Variants in MYPN observed in about 807,000 individuals in gnomAD.
MYPN encodes the protein myopalladin.
MYPN carries 63 observed loss-of-function variants against 129.4 expected under a neutral mutation model. The observed-to-expected ratio is 0.49, with a 90% CI of 0.40 to 0.60. The LOEUF (loss-of-function observed/expected upper bound fraction) is 0.60. Ranked by LOEUF, MYPN falls within the 20% of genes least tolerant of loss-of-function variation. MYPN has a pLI of 0.00. For missense variants in MYPN, 1,596 were observed against 1,635.4 expected (o/e 0.98, Z 0.42); for synonymous variants, 629 against 600.9 (o/e 1.05, Z -0.68).
chr10:68,127,865 T>C (rs1299638828), intron 2 of MYPN, among the ~76,000 whole-genome samples: 1 of 152,226 alleles, frequency 6.6e-6, no homozygotes, highest in Non-Finnish European at 1.5e-5. Context: ...TCAATAAGGA[T>C]AGTATCCTTT....
intron 8 of MYPN, 110 bp downstream of exon 8, chr10:68,161,862 G>T: frequency 1.1e-6 from 1 of 939,076 alleles, no homozygotes. Context: ...TAAAGTTTTA[G>T]GAAAAAAAGA....
chr10:68,189,853 T>C (rs1397676744), intron 13 of MYPN, among the ~76,000 whole-genome samples: 1 of 152,212 alleles, frequency 6.6e-6, no homozygotes, highest in Non-Finnish European at 1.5e-5. Flanking sequence ...CTCTTCAACA[T>C]ACTGATTTCC....
chr10:68,145,467 T>C lies in MYPN; in HGVS notation c.1079-8T>C, dbSNP rs773290659. 3 of 1,612,008 alleles carry C rather than the reference T, an allele frequency of 1.9e-6. No homozygotes were observed. Among genetic ancestry groups the C allele is most frequent in the Admixed American group, 3.3e-5 (2 of 59,986 alleles). On this transcript the variant is annotated splice_region_variant and splice_polypyrimidine_tract_variant and intron_variant, in intron 3 of 19. Transcript: ENST00000358913. ...TAACAATCTTATGTCTTGTTTTTATTTTTCCAGGGGTTTCTTCTTCTGACT... is the reference window on the plus strand; with the variant it reads ...TAACAATCTTATGTCTTGTTTTTATCTTTCCAGGGGTTTCTTCTTCTGACT...
At chr10:68,169,865 G>A (rs980877884) in intron 10 of MYPN, among the ~76,000 whole-genome samples, 5 of 151,766 alleles carry the variant, frequency 3.3e-5, no homozygotes, top group South Asian at 2.1e-4. Context: ...TCAGCCTCCC[G>A]AGTACCTGTG....
At chr10:68,160,947 A>G (rs1272862778) in intron 7 of MYPN, among the ~76,000 whole-genome samples, 1 of 152,170 alleles carries the variant, frequency 6.6e-6, no homozygotes, top group East Asian at 1.9e-4. Context: ...TGAAAAAACT[A>G]TGATCTATCT....
rs751946243 is a variant in MYPN, at chr10:68,165,869, A to T, written c.1600+51A>T. On this transcript the variant is annotated intron_variant, in intron 9 of 19. Coordinates refer to ENST00000358913, the MANE Select transcript of MYPN (RefSeq NM_032578.4). Reference sequence around the variant, plus strand: ...GTTTAGCCTATGACTTTGAGTGTGAATATGCAGATTTTGTGTTTCCATTCC... The same window carrying T: ...GTTTAGCCTATGACTTTGAGTGTGATTATGCAGATTTTGTGTTTCCATTCC... 22 of 1,423,718 alleles carry T rather than the reference A, an allele frequency of 1.5e-5. No individual in the cohort carries two copies. The East Asian group carries it at 4.3e-4, about 28-fold the overall frequency. The allele number at this position is 1,423,718 out of a possible 1,614,324, so 88.2% of individuals were successfully genotyped here.
intron 1 of MYPN, among the ~76,000 whole-genome samples, chr10:68,093,642 A>C (rs1425747776): frequency 2.6e-5 from 4 of 151,218 alleles, no homozygotes; most frequent in Non-Finnish European, 5.9e-5. Context: ...CTGTAGTCCC[A>C]GCTACTCGGG....
intron 2 of MYPN, among the ~76,000 whole-genome samples, chr10:68,137,589 A>G (rs570082973): frequency 6.6e-6 from 1 of 152,304 alleles, no homozygotes; most frequent in Non-Finnish European, 1.5e-5. Flanking sequence ...AAGGTGATAC[A>G]TTTTATTATA....
intron 14 of MYPN, among the ~76,000 whole-genome samples, chr10:68,194,881 C>T (rs1308408971): frequency 6.6e-6 from 1 of 152,176 alleles, no homozygotes; most frequent in Non-Finnish European, 1.5e-5. Flanking sequence ...AGTGAATAGG[C>T]AAATTACTTT....
Position 68,206,804 on chromosome 10 carries a change from C to G in MYPN, c.3694C>G (p.Leu1232Val). The G allele has an allele frequency of 6.2e-7, 1 of 1,614,226 alleles. No individual in the cohort carries two copies. The highest frequency in any genetic ancestry group is 2.2e-5 in the East Asian group (1 of 44,892). Residue 1232 changes from leucine to valine, a missense_variant, in exon 19 of 20, where the codon CTC becomes GTC. Leu to Val is a conservative substitution (Grantham distance 32). Transcript: ENST00000358913. ...GGACACAACAGGGTATGCCTGCCTT[C>G]TCATTCAGCCAGCCAAGAAATCAGA... ...HQDTTGYACL[L>V]IQPAKKSDAG...
intron 5 of MYPN, 102 bp downstream of exon 5, chr10:68,148,569 A>G (rs2042710585): frequency 3.4e-6 from 3 of 880,154 alleles, no homozygotes; most frequent in Admixed American, 1.8e-5. Context: ...CTCAGGTGCA[A>G]CTCCATCATC....
rs2817759 is a variant in MYPN at position 68,149,999 on chromosome 10, T to C, written c.1246-41T>C. The C allele has an allele frequency of 0.045, 69,364 of 1,542,740 alleles. 3,235 individuals are homozygous for C. The highest frequency in any genetic ancestry group is 0.21 in the African/African-American group (15,037 of 73,338). ...TTATGTCTCACTATCCATCTAATAA[T>C]ATTAGTAACAATGAATTTACTGTTG... On this transcript the variant is annotated intron_variant, in intron 5 of 19. Coordinates refer to ENST00000358913, the MANE Select transcript of MYPN (RefSeq NM_032578.4).
At chr10:68,210,237 C>T (rs751699654) in intron 19 of MYPN, 49 bp from the exon 20 acceptor site, 1 of 1,605,160 alleles carries the variant, frequency 6.2e-7, no homozygotes. Flanking sequence ...AGCGTACATG[C>T]TGGACTGCAT....
upstream of MYPN, chr10:68,106,191 C>G (rs962584975): frequency 2.2e-6 from 1 of 453,736 alleles, no homozygotes; most frequent in Admixed American, 2.4e-5. Flanking sequence ...CAGGTAACCA[C>G]AAATTTACTT....
chr10:68,158,614 G>T lies in MYPN; in HGVS notation c.1446G>T (p.Arg482Ser), dbSNP rs1016349010. ...GTLIEDSPDF[R>S]ILQKKPRSMA... is the part of the protein sequence containing the mutation. The stretch of plus-strand genomic sequence containing the variant: ...TAATAGAAGATTCTCCAGATTTTAG[G>T]ATTTTACAGAAAAGTAAGTTAATAC... Residue 482 changes from arginine (R) to serine (S), a missense_variant, in exon 7 of 20, where the codon AGG (arginine) becomes AGT (serine). Transcript: ENST00000358913. The T allele has an allele frequency of 2.5e-6, 4 of 1,593,164 alleles. No individual in the cohort carries two copies. In the Admixed American group the frequency reaches 6.7e-5, roughly 27 times the overall value.
chr10:68,112,365 C>T (rs528518846), intron 1 of MYPN, among the ~76,000 whole-genome samples: 1 of 152,312 alleles, frequency 6.6e-6, no homozygotes, highest in Admixed American at 6.5e-5. Flanking sequence ...CAAAAACATA[C>T]ATAATACGCT....
rs143738119 is a variant in MYPN at position 68,143,376 on chromosome 10, C to A, written c.1078+261C>A. 2.9e-3 allele frequency among the ~76,000 whole-genome samples: 435 copies of A among 151,916 alleles called. 1 individual carries two copies. The highest frequency in any genetic ancestry group is 4.7e-3 in the Non-Finnish European group (319 of 67,964). On this transcript the variant is annotated intron_variant, in intron 3 of 19. Transcript: ENST00000358913. ...ATAAACACTGTGAAAGATACAAAAA[C>A]CAAGAAAAAGAGATAGGAATGGTGT...
chr10:68,141,089 G>A (rs761390958), intron 2 of MYPN, among the ~76,000 whole-genome samples: 2 of 152,154 alleles, frequency 1.3e-5, no homozygotes, highest in East Asian at 3.9e-4. Context: ...CCAAAAAAAG[G>A]GCCAGGCGCA....
At chr10:68,200,076 A>T (rs961716630) in intron 17 of MYPN, among the ~76,000 whole-genome samples, 1 of 152,154 alleles carries the variant, frequency 6.6e-6, no homozygotes, top group African/African-American at 2.4e-5. Flanking sequence ...TCCCAGCCTA[A>T]CAACCGTAAA....
Sources: allele counts gnomAD v4.1 joint callset (sites outside exome capture counted in the v4.1 genomes callset), GRCh38; gene constraint gnomAD v4.1.1; transcripts MANE v1.5; gene names NCBI Gene and HGNC (gene_info 2026-07-23, HGNC 2026-07-21).